Variants in MAST4 observed in about 807,000 individuals in gnomAD.
MAST4 encodes the protein microtubule-associated serine/threonine-protein kinase 4.
A neutral mutation model predicts 162.7 loss-of-function variants in MAST4; 89 were observed. The observed-to-expected ratio is 0.55, with a 90% CI of 0.46 to 0.65. The LOEUF (loss-of-function observed/expected upper bound fraction) is 0.65, where lower values mean the gene tolerates loss of function less well. Among genes scored for constraint, MAST4 ranks in the 30% least tolerant of loss-of-function variants. The pLI is 0.00. For missense variants in MAST4, 3,153 were observed against 3,374.0 expected (o/e 0.93, Z 1.62); for synonymous variants, 1,479 against 1,361.1 (o/e 1.09, Z -1.91).
chr5:66,738,741 C>A (rs1752312097), intron 1 of MAST4, among the ~76,000 whole-genome samples: 1 of 152,194 alleles, frequency 6.6e-6, no homozygotes. Context: ...TTTCTCGGAT[C>A]TTGATTGTGC....
At chr5:66,705,856 T>C (rs1480780083) in intron 1 of MAST4, among the ~76,000 whole-genome samples, 1 of 152,226 alleles carries the variant, frequency 6.6e-6, no homozygotes. Context: ...CAGTGTTTGA[T>C]GGTATGTATG....
intron 12 of MAST4, among the ~76,000 whole-genome samples, chr5:67,115,826 T>A (rs1378313283): frequency 1.3e-5 from 2 of 152,224 alleles, no homozygotes; most frequent in Non-Finnish European, 2.9e-5. Context: ...ATTTTTCAGA[T>A]AATAGTTGTT....
chr5:66,742,782 C>A (rs1014342031), intron 1 of MAST4, among the ~76,000 whole-genome samples: 2 of 152,072 alleles, frequency 1.3e-5, no homozygotes, highest in African/African-American at 4.8e-5. Flanking sequence ...AGGTGTCAGG[C>A]CTGTTTGGAG....
intron 4 of MAST4, among the ~76,000 whole-genome samples, chr5:66,957,548 A>G (rs1349749410): frequency 1.3e-5 from 2 of 152,152 alleles, no homozygotes; most frequent in African/African-American, 2.4e-5. Flanking sequence ...GTCAGTGACT[A>G]TATTTCAAGT....
chr5:66,651,721 C>A (rs1746232812), intron 1 of MAST4, among the ~76,000 whole-genome samples: 2 of 152,156 alleles, frequency 1.3e-5, no homozygotes, highest in African/African-American at 4.8e-5. Context: ...TCTTTCACAG[C>A]ACTACACTCT....
intron 1 of MAST4, among the ~76,000 whole-genome samples, chr5:66,638,748 C>T (rs188836431): frequency 5.6e-4 from 85 of 152,278 alleles, no homozygotes; most frequent in Non-Finnish European, 9.1e-4. Context: ...TATATGCCTA[C>T]TGATAAGCAG....
chr5:66,875,719 G>A (rs1761251563), intron 3 of MAST4, among the ~76,000 whole-genome samples: 2 of 152,162 alleles, frequency 1.3e-5, no homozygotes, highest in African/African-American at 4.8e-5. Flanking sequence ...GAGGTAAAAT[G>A]TCTGCATTAT....
chr5:67,137,501 C>G (rs954681734), intron 19 of MAST4, among the ~76,000 whole-genome samples: 1 of 152,164 alleles, frequency 6.6e-6, no homozygotes, highest in African/African-American at 2.4e-5. Flanking sequence ...CATTCTACCC[C>G]CATTTTAATA....
chr5:66,950,233 T>C (rs1028963991), intron 4 of MAST4, among the ~76,000 whole-genome samples: 1 of 150,782 alleles, frequency 6.6e-6, no homozygotes, highest in Non-Finnish European at 1.5e-5. Flanking sequence ...TTTTTTTTTC[T>C]TTTTTTTTCT....
At chr5:67,037,315 A>G (rs73766142) in intron 4 of MAST4, among the ~76,000 whole-genome samples, 4,457 of 152,268 alleles carry the variant, frequency 0.029, 184 homozygotes, top group African/African-American at 0.089. Flanking sequence ...CTTGGAGGGC[A>G]AGCCTGTTCT....
intron 14 of MAST4, among the ~76,000 whole-genome samples, chr5:67,129,205 A>G (rs1363049672): frequency 6.6e-6 from 1 of 152,184 alleles, no homozygotes; most frequent in Non-Finnish European, 1.5e-5. Context: ...ATGCTGGGAC[A>G]TGCATTTCCT....
intron 21 of MAST4, 49 bp from the exon 22 acceptor site, chr5:67,144,620 C>T (rs1770836394): frequency 6.3e-7 from 1 of 1,588,850 alleles, no homozygotes; most frequent in Non-Finnish European, 8.6e-7. Context: ...GTTTTTCTGA[C>T]AAACTCTTTT....
intron 4 of MAST4, among the ~76,000 whole-genome samples, chr5:66,972,645 C>A (rs1473261588): frequency 6.6e-6 from 1 of 152,166 alleles, no homozygotes; most frequent in Non-Finnish European, 1.5e-5. Context: ...TAGTCTGAGC[C>A]GCTGCCATTT....
intron 1 of MAST4, among the ~76,000 whole-genome samples, chr5:66,743,670 G>A (rs1317426720): frequency 6.6e-6 from 1 of 152,168 alleles, no homozygotes; most frequent in Admixed American, 6.5e-5. Context: ...TAATGGAGAG[G>A]CAGAGACTCA....
Position 67,163,256 on chromosome 5 carries a change from C to A in MAST4, c.4077C>A (p.Gly1359=). ...STLHGLAPKL[G]GQRYRSGRRK... Reference sequence around the variant, plus strand: ...TCCACGGTCTTGCACCCAAACTCGGCGGGCAGCGGTACCGGTCCGGAAGGC... The same window carrying A: ...TCCACGGTCTTGCACCCAAACTCGGAGGGCAGCGGTACCGGTCCGGAAGGC... Residue 1359 remains glycine (G), a synonymous_variant, in exon 29 of 29, where the codon GGC becomes GGA. Coordinates refer to ENST00000403625, the MANE Select transcript of MAST4 (RefSeq NM_001164664.2). The surrounding 1 kb of genome is among the most constrained non-coding windows in gnomAD (Gnocchi z 7.0). The A allele has an allele frequency of 6.2e-7, 1 of 1,613,560 alleles. No individual in the cohort carries two copies. Among genetic ancestry groups the A allele is most frequent in the Non-Finnish European group, 8.5e-7 (1 of 1,179,890 alleles).
chr5:66,682,973 C>G (rs1180610780), intron 1 of MAST4, among the ~76,000 whole-genome samples: 1 of 152,050 alleles, frequency 6.6e-6, no homozygotes, highest in Non-Finnish European at 1.5e-5. Context: ...AATGAGGAAC[C>G]CTGGATAGAA....
rs866366859 is a variant in MAST4, at chr5:67,166,641, G to A, written c.7462G>A (p.Ala2488Thr). ...CAGCGACACCTCTTCTGCCAAGGCC[G>A]CCGGGGGCATGCTGGAGCTTCCAGC... The part of the protein sequence containing the change: ...ASSDTSSAKA[A>T]GGMLELPAPS... The change falls in exon 29 of 29, where the codon GCC (alanine) becomes ACC (threonine). Residue 2488 changes from alanine to threonine, a missense_variant. This residue lies in a region of MAST4 where 1,644 missense variants were observed against 1,495.0 expected (regional missense o/e 1.10). Coordinates refer to ENST00000403625, the MANE Select transcript of MAST4 (RefSeq NM_001164664.2). The A allele has an allele frequency of 3.2e-5, 52 of 1,600,278 alleles. No individual in the cohort carries two copies. The highest frequency in any genetic ancestry group is 4.2e-5 in the Non-Finnish European group (49 of 1,173,718).
At chr5:66,860,742 C>A (rs1760044780) in intron 3 of MAST4, among the ~76,000 whole-genome samples, 1 of 147,720 alleles carries the variant, frequency 6.8e-6, no homozygotes. Context: ...CCCACCTCTT[C>A]CCAGCCGCGA....
At chr5:66,706,813 T>A (rs1025952785) in intron 1 of MAST4, among the ~76,000 whole-genome samples, 4 of 152,306 alleles carry the variant, frequency 2.6e-5, no homozygotes, top group African/African-American at 9.6e-5. Flanking sequence ...AATTACTCAT[T>A]GTTTATTAAA....
Sources: gnomAD v4.1 joint callset for allele counts (sites outside exome capture counted in the v4.1 genomes callset) on GRCh38, gnomAD v4.1.1 for gene constraint, gnomAD v4.1.1 regional missense constraint, Gnocchi (gnomAD v3.1) non-coding constraint, MANE v1.5 for transcripts, NCBI Gene and HGNC (gene_info 2026-07-23, HGNC 2026-07-21) for gene names.